Variants in DNAH12 observed in about 807,000 individuals in gnomAD.
The protein encoded by DNAH12 is axonemal beta dynein heavy chain 12.
In DNAH12, 285 loss-of-function variants were observed where a neutral mutation model predicts 371.5. The ratio of observed to expected loss-of-function variants is 0.77; its 90% CI spans 0.70 to 0.85. The LOEUF (loss-of-function observed/expected upper bound fraction) is 0.85, where lower values mean the gene tolerates loss of function less well. DNAH12 is among the 40% of genes least tolerant of loss of function. DNAH12 has a pLI of 0.00. For missense variants in DNAH12, 3,611 were observed against 3,689.4 expected (o/e 0.98, Z 0.55); for synonymous variants, 1,200 against 1,213.0 (o/e 0.99, Z 0.22).
At chr3:57,325,576 A>G (rs2061923083) in intron 62 of DNAH12, among the ~76,000 whole-genome samples, 1 of 152,208 alleles carries the variant, frequency 6.6e-6, no homozygotes. Context: ...TCTGTACATC[A>G]CCATCATCAA....
At chr3:57,431,600 A>G (rs1030661809) in intron 32 of DNAH12, among the ~76,000 whole-genome samples, 2 of 152,120 alleles carry the variant, frequency 1.3e-5, no homozygotes, top group African/African-American at 4.8e-5. Flanking sequence ...CTTTTGTCCT[A>G]TGGTCTAATG....
chr3:57,530,463 T>C, intron 2 of DNAH12: 1 of 721,896 alleles, frequency 1.4e-6, no homozygotes, highest in Non-Finnish European at 2.5e-6. Context: ...TGCCAGATGC[T>C]TGCCCTGCTG....
intron 27 of DNAH12, among the ~76,000 whole-genome samples, 181 bp from the exon 28 acceptor site, chr3:57,445,600 T>C (rs2065461171): frequency 6.6e-6 from 1 of 152,202 alleles, no homozygotes. Context: ...TTTTTTTGGA[T>C]GTTTAAAAAA....
At chr3:57,356,963 G>A (rs927600300) in intron 59 of DNAH12, among the ~76,000 whole-genome samples, 12 of 151,776 alleles carry the variant, frequency 7.9e-5, no homozygotes, top group Non-Finnish European at 1.3e-4. Flanking sequence ...GGCTGGTCTC[G>A]AACTCCTGAC....
intron 2 of DNAH12, among the ~76,000 whole-genome samples, chr3:57,541,199 C>T (rs1300763758): frequency 1.3e-5 from 2 of 151,820 alleles, no homozygotes; most frequent in Non-Finnish European, 2.9e-5. Context: ...GCCACCACGC[C>T]AAGCTAATTT....
chr3:57,459,745 A>G lies in DNAH12; in HGVS notation c.2778T>C (p.Asp926=). Residue 926 remains aspartate (D), a synonymous_variant, in exon 20 of 74, where the codon GAT becomes GAC. Coordinates refer to ENST00000495027, the MANE Select transcript of DNAH12 (RefSeq NM_001366028.2). The stretch of plus-strand genomic sequence containing the variant: ...ATTGAGCTTGTACTTTTAACCATTC[A>G]TCAATTGTTTCTTGTATTCGAATCA... ...DRLIRIQETI[D]EWLKVQAQWL... 2 of 1,530,380 alleles carry G rather than the reference A, an allele frequency of 1.3e-6. No homozygotes were observed. 94.8% of individuals were successfully genotyped at this position (1,530,380 alleles called of 1,614,324 possible). A position where few individuals can be genotyped will look rare whatever the true frequency, so the allele number is the denominator to read the frequency against.
chr3:57,402,373 C>T (rs782724167), intron 43 of DNAH12: 7 of 1,303,534 alleles, frequency 5.4e-6, no homozygotes, highest in African/African-American at 1.5e-5. Context: ...CATATAAGGA[C>T]GAAGCCCCAA....
At position 57,448,457 on chromosome 3, in the gene DNAH12, C is replaced by T. The variant is rs138422537; in HGVS notation, c.3787-1768G>A. Among the ~76,000 whole-genome samples the T allele has an allele frequency of 3.2e-4, 48 of 151,190 alleles. No individual in the cohort carries two copies. In the East Asian group the frequency reaches 7.8e-3, roughly 25 times the overall value. ...TGCAGCACGTCTGGAGTTGTTCGTT[C>T]CTCCCAGGGGGGCTCGTGGTCTCGC... On this transcript the variant is annotated intron_variant, in intron 25 of 73. Coordinates refer to ENST00000495027, the MANE Select transcript of DNAH12 (RefSeq NM_001366028.2).
intron 10 of DNAH12, 141 bp from the exon 11 acceptor site, chr3:57,501,553 T>C (rs1268898968): frequency 1.7e-6 from 1 of 587,238 alleles, no homozygotes; most frequent in African/African-American, 2.0e-5. Context: ...ATTTACTATA[T>C]TTTAAGAAAA....
chr3:57,324,253 A>G (rs745403771), intron 62 of DNAH12, among the ~76,000 whole-genome samples: 8 of 152,126 alleles, frequency 5.3e-5, no homozygotes. Flanking sequence ...ATTAACTTCT[A>G]TTTGATTTAA....
intron 45 of DNAH12, among the ~76,000 whole-genome samples, chr3:57,387,919 C>A (rs1172698446): frequency 6.6e-6 from 1 of 152,014 alleles, no homozygotes. Flanking sequence ...CACAAAAGCC[C>A]CACTCTGCTT....
chr3:57,502,387 A>T lies in DNAH12; in HGVS notation c.1179T>A (p.Val393=), dbSNP rs777759866. ...ELPEHVLHWA[V]DTLKAAVHRN... Reference sequence around the variant, plus strand: ...GATGTACTGCTGCCTTCAGTGTATCAACAGCCCAGTGTAACACGTGTTCAG... The same window carrying T: ...GATGTACTGCTGCCTTCAGTGTATCTACAGCCCAGTGTAACACGTGTTCAG... The change falls in exon 10 of 74, where the codon GTT becomes GTA. Residue 393 remains valine (V), a synonymous_variant. Transcript: ENST00000495027. The T allele has an allele frequency of 6.2e-7, 1 of 1,614,202 alleles. No individual in the cohort carries two copies. The highest frequency in any genetic ancestry group is 8.5e-7 in the Non-Finnish European group (1 of 1,180,034).
At chr3:57,474,680 C>G (rs13099288) in intron 13 of DNAH12, among the ~76,000 whole-genome samples, 101,667 of 152,004 alleles carry the variant, frequency 0.67, 34,251 homozygotes, top group South Asian at 0.75. Context: ...AAATTTTGGT[C>G]GAGCATGGTA....
rs533994968 is a variant in DNAH12 at position 57,492,883 on chromosome 3, T to C, written c.1336-3196A>G. On this transcript the variant is annotated intron_variant, in intron 11 of 73. Transcript: ENST00000495027. ...GGCCAGGTGTAGTGGTAGGCACCTG[T>C]AGTCTCAGCTACTCAGGAGGCTGAG... Among the ~76,000 whole-genome samples, 24 of 152,136 alleles carry C rather than the reference T, an allele frequency of 1.6e-4. No individual in the cohort carries two copies. In the East Asian group the frequency reaches 4.5e-3, roughly 28 times the overall value.
intron 44 of DNAH12, among the ~76,000 whole-genome samples, chr3:57,392,411 T>A (rs1316979558): frequency 6.6e-6 from 1 of 152,128 alleles, no homozygotes; most frequent in Admixed American, 6.6e-5. Flanking sequence ...AAATGTAAAA[T>A]ATCCACATAT....
intron 2 of DNAH12, among the ~76,000 whole-genome samples, chr3:57,541,815 G>A (rs1467498060): frequency 6.6e-6 from 1 of 152,022 alleles, no homozygotes; most frequent in Non-Finnish European, 1.5e-5. Context: ...TAATAGACCT[G>A]TTTAATTGTA....
chr3:57,332,360 T>C (rs1017948936), intron 62 of DNAH12, among the ~76,000 whole-genome samples: 43 of 152,208 alleles, frequency 2.8e-4, no homozygotes, highest in Admixed American at 7.2e-4. Flanking sequence ...CTTCTACTTT[T>C]AGCTATGATG....
intron 22 of DNAH12, among the ~76,000 whole-genome samples, chr3:57,456,278 T>C (rs2065900161): frequency 6.6e-6 from 1 of 152,186 alleles, no homozygotes; most frequent in Admixed American, 6.5e-5. Context: ...GTAGGAACAC[T>C]GAAGCTGAAC....
chr3:57,360,745 T>C (rs915932235), intron 58 of DNAH12, among the ~76,000 whole-genome samples: 1 of 151,866 alleles, frequency 6.6e-6, no homozygotes, highest in Admixed American at 6.6e-5. Flanking sequence ...CATTGTGGGG[T>C]GGGGAGCAGT....
Sources: gnomAD v4.1 joint callset for allele counts (sites outside exome capture counted in the v4.1 genomes callset) on GRCh38, gnomAD v4.1.1 for gene constraint, MANE v1.5 for transcripts, NCBI Gene and HGNC (gene_info 2026-07-23, HGNC 2026-07-21) for gene names.